Variants in CSMD1 observed in about 807,000 individuals in gnomAD.
The protein encoded by CSMD1 is CUB and sushi domain-containing protein 1.
In CSMD1, 213 loss-of-function variants were observed where a neutral mutation model predicts 417.5. The ratio of observed to expected loss-of-function variants is 0.51; its 90% CI spans 0.46 to 0.57. CSMD1 has a LOEUF of 0.57. Ranked by LOEUF, CSMD1 falls within the 20% of genes least tolerant of loss-of-function variation. The pLI is 0.00. For synonymous variants in CSMD1, 2,862 were observed against 1,736.8 expected (o/e 1.65, Z -16.11); for missense variants, 6,923 against 4,529.7 (o/e 1.53, Z -15.17).
chr8:4,001,509 C>A (rs1815671765), intron 4 of CSMD1, among the ~76,000 whole-genome samples: 1 of 152,106 alleles, frequency 6.6e-6, no homozygotes, highest in Non-Finnish European at 1.5e-5. Flanking sequence ...TGGTGCCCAC[C>A]CCTGAGTACC....
chr8:3,590,727 A>G (rs1242078636), intron 8 of CSMD1, among the ~76,000 whole-genome samples: 2 of 152,210 alleles, frequency 1.3e-5, no homozygotes, highest in Non-Finnish European at 2.9e-5. Context: ...AACAGAGCCA[A>G]TGTGGGTAAA....
chr8:4,487,538 G>A (rs1445495250), intron 2 of CSMD1, among the ~76,000 whole-genome samples: 1 of 152,114 alleles, frequency 6.6e-6, no homozygotes, highest in Non-Finnish European at 1.5e-5. Flanking sequence ...GTGTACATGT[G>A]CCACATTTTC....
chr8:4,193,840 T>G (rs972856662), intron 3 of CSMD1, among the ~76,000 whole-genome samples: 1 of 151,962 alleles, frequency 6.6e-6, no homozygotes. Context: ...AGTTCAGCCG[T>G]GTTTCCCATT....
Position 4,883,006 on chromosome 8 carries a change from G to C in CSMD1, c.85+111326C>G, listed in dbSNP as rs145884918. Among the ~76,000 whole-genome samples the C allele has an allele frequency of 1.7e-3, 258 of 152,166 alleles. 2 individuals are homozygous for C. Among genetic ancestry groups the C allele is most frequent in the African/African-American group, 6.0e-3 (248 of 41,462 alleles). On this transcript the variant is annotated intron_variant, in intron 1 of 69. Transcript: ENST00000635120. ...AGACAGAAGAGAAAATTGACAATTA[G>C]CTGAGAGCTCCTTTCCACAAAGCAC...
chr8:3,272,221 G>T (rs74321074), intron 26 of CSMD1, among the ~76,000 whole-genome samples: 25,335 of 128,556 alleles, frequency 0.2, 3,482 homozygotes, highest in African/African-American at 0.26. Context: ...ACTCAGGTTT[G>T]TCAAAGATCA....
intron 3 of CSMD1, among the ~76,000 whole-genome samples, chr8:4,049,644 T>C (rs1398388666): frequency 6.6e-6 from 1 of 152,126 alleles, no homozygotes; most frequent in African/African-American, 2.4e-5. Flanking sequence ...AAAATAACAT[T>C]ATATTTACTA....
At position 2,946,005 on chromosome 8, in the gene CSMD1, T is replaced by A. The variant is rs78418126; in HGVS notation, c.10402+3294A>T. 2.9e-3 allele frequency among the ~76,000 whole-genome samples: 444 copies of A among 152,296 alleles called. 9 individuals are homozygous for A. In the East Asian group the frequency reaches 0.066, roughly 23 times the overall value. On this transcript the variant is annotated intron_variant, in intron 68 of 69. Coordinates refer to ENST00000635120, the MANE Select transcript of CSMD1 (RefSeq NM_033225.6). ...TGAGAAATGCTTCGTGAGGCAATTTTGCGGCTGTGTGAGCATCAGAGTGCA... is the reference window on the plus strand; with the variant it reads ...TGAGAAATGCTTCGTGAGGCAATTTAGCGGCTGTGTGAGCATCAGAGTGCA...
intron 8 of CSMD1, among the ~76,000 whole-genome samples, chr8:3,591,448 A>G (rs1800840333): frequency 1.3e-5 from 2 of 152,222 alleles, no homozygotes; most frequent in South Asian, 2.1e-4. Context: ...CTCATAGAGC[A>G]TAACTATTTG....
intron 10 of CSMD1, among the ~76,000 whole-genome samples, chr8:3,555,803 G>A (rs564014313): frequency 2.0e-4 from 31 of 152,076 alleles, no homozygotes; most frequent in Non-Finnish European, 3.8e-4. Flanking sequence ...GCAGACAGTT[G>A]TATGGTTATA....
chr8:4,097,177 T>G (rs922791339), intron 3 of CSMD1, among the ~76,000 whole-genome samples: 4 of 152,162 alleles, frequency 2.6e-5, no homozygotes, highest in Non-Finnish European at 5.9e-5. Flanking sequence ...TTATATATGC[T>G]CAATAAGCAA....
chr8:3,508,282 C>A (rs1243739472), intron 10 of CSMD1, among the ~76,000 whole-genome samples: 1 of 151,562 alleles, frequency 6.6e-6, no homozygotes, highest in Non-Finnish European at 1.5e-5. Flanking sequence ...TCCTGGCTCA[C>A]CTGCGCCCCC....
intron 54 of CSMD1, among the ~76,000 whole-genome samples, chr8:2,980,733 G>A (rs57419459): frequency 0.084 from 12,771 of 152,170 alleles, 753 homozygotes; most frequent in African/African-American, 0.17. Context: ...CACTCTTGCC[G>A]TGGAAAGAGG....
intron 3 of CSMD1, among the ~76,000 whole-genome samples, chr8:4,158,662 C>A (rs1463057028): frequency 6.6e-6 from 1 of 152,106 alleles, no homozygotes; most frequent in Non-Finnish European, 1.5e-5. Context: ...AAGATCAACG[C>A]CGTAATAATG....
chr8:3,815,259 G>C (rs564581301), intron 5 of CSMD1, among the ~76,000 whole-genome samples: 34 of 152,268 alleles, frequency 2.2e-4, no homozygotes, highest in Non-Finnish European at 4.6e-4. Flanking sequence ...TAAAGTGTCT[G>C]AGGATGTGTC....
intron 6 of CSMD1, among the ~76,000 whole-genome samples, chr8:3,746,382 A>G (rs1797066528): frequency 6.6e-6 from 1 of 152,230 alleles, no homozygotes; most frequent in Non-Finnish European, 1.5e-5. Flanking sequence ...ACTGGATACC[A>G]TTGTTGGCCC....
chr8:3,335,558 TC>T (rs753334633), intron 23 of CSMD1, among the ~76,000 whole-genome samples: 1 of 152,014 alleles, frequency 6.6e-6, no homozygotes, highest in African/African-American at 2.4e-5. Context: ...GTACCTGTAA[TC>T]CCAGCTACTA....
At chr8:4,638,731 G>C (rs1047025455) in intron 1 of CSMD1, among the ~76,000 whole-genome samples, 1 of 152,142 alleles carries the variant, frequency 6.6e-6, no homozygotes, top group Admixed American at 6.6e-5. Flanking sequence ...CCCTTTGGCA[G>C]GTGGAATTGG....
At chr8:3,893,404 A>C (rs1465874190) in intron 5 of CSMD1, among the ~76,000 whole-genome samples, 3 of 139,608 alleles carry the variant, frequency 2.1e-5, no homozygotes, top group African/African-American at 7.7e-5. Context: ...TATGACCTTG[A>C]AGCTTAACAA....
rs117325409 is a variant in CSMD1, at chr8:3,732,129, T to C, written c.931+21801A>G. ...GGAGGGCCTTGGAGGAGAGGGCTCC[T>C]AGCGGAAGCCACGGGCAAGCCCTGA... On this transcript the variant is annotated intron_variant, in intron 6 of 69. Coordinates refer to ENST00000635120, the MANE Select transcript of CSMD1 (RefSeq NM_033225.6). Among the ~76,000 whole-genome samples the C allele has an allele frequency of 5.3e-3, 801 of 152,276 alleles. 4 individuals carry two copies. The highest frequency in any genetic ancestry group is 6.8e-3 in the Middle Eastern group (2 of 294).
Sources: allele counts gnomAD v4.1 joint callset (sites outside exome capture counted in the v4.1 genomes callset), GRCh38; gene constraint gnomAD v4.1.1; transcripts MANE v1.5; gene names NCBI Gene and HGNC (gene_info 2026-07-23, HGNC 2026-07-21).